The following FBLN2 variants were observed in gnomAD, a reference collection of about 807,000 sequenced individuals.
FBLN2 encodes the protein fibulin 2.
FBLN2 carries 81 observed loss-of-function variants against 123.7 expected under a neutral mutation model. The observed-to-expected ratio is 0.65, with a 90% CI of 0.55 to 0.79. The LOEUF is 0.79. Ranked by LOEUF, FBLN2 falls within the 30% of genes least tolerant of loss-of-function variation. The probability of loss-of-function intolerance (pLI) is 0.00; values close to 1 mark genes in which losing one functional copy is unlikely to be tolerated. For missense variants in FBLN2, 1,603 were observed against 1,681.3 expected (o/e 0.95, Z 0.81); for synonymous variants, 699 against 701.4 (o/e 1.00, Z 0.05).
At chr3:13,621,997 GCCAAAGGGCCT>G in intron 9 of FBLN2, 82 bp downstream of exon 9, 1 of 1,496,316 alleles carries the variant, frequency 6.7e-7, no homozygotes, top group South Asian at 1.2e-5. Context: ...GTGGCCACAT[GCCAAAGGGCCT>G]GCCCTTTGCA....
At chr3:13,563,022 CCATT>C (rs1440680674) in intron 1 of FBLN2, among the ~76,000 whole-genome samples, 1 of 152,232 alleles carries the variant, frequency 6.6e-6, no homozygotes, top group Non-Finnish European at 1.5e-5. Flanking sequence ...ATCCATCCAT[CCATT>C]GATGGTCACT....
At chr3:13,586,383 C>T (rs1704499656) in intron 2 of FBLN2, among the ~76,000 whole-genome samples, 1 of 151,706 alleles carries the variant, frequency 6.6e-6, no homozygotes, top group Non-Finnish European at 1.5e-5. Flanking sequence ...CGGGGTTACA[C>T]CATGTTGGTC....
chr3:13,633,383 G>A (rs989493821), intron 16 of FBLN2, among the ~76,000 whole-genome samples: 1 of 152,270 alleles, frequency 6.6e-6, no homozygotes, highest in Non-Finnish European at 1.5e-5. Flanking sequence ...GCCCCACCAG[G>A]AGGTTGGGGC....
intron 1 of FBLN2, among the ~76,000 whole-genome samples, chr3:13,560,673 G>A (rs1380992617): frequency 6.6e-6 from 1 of 152,218 alleles, no homozygotes; most frequent in Non-Finnish European, 1.5e-5. Context: ...AAGCCAACTT[G>A]ATTACTTTGC....
chr3:13,612,796 G>A (rs566094826), intron 4 of FBLN2, among the ~76,000 whole-genome samples: 35 of 152,182 alleles, frequency 2.3e-4, no homozygotes, highest in Non-Finnish European at 4.4e-4. Flanking sequence ...AGTATGTGAT[G>A]GGCCTTCATT....
intron 16 of FBLN2, among the ~76,000 whole-genome samples, chr3:13,631,689 C>T (rs1706264458): frequency 6.6e-6 from 1 of 152,200 alleles, no homozygotes; most frequent in Admixed American, 6.5e-5. Flanking sequence ...GGCTTGTGCT[C>T]AGCTCTGGAC....
intron 6 of FBLN2, 49 bp from the exon 7 acceptor site, chr3:13,618,855 G>A: frequency 6.9e-7 from 1 of 1,440,818 alleles, no homozygotes. Flanking sequence ...AGGCCTGGCT[G>A]AAGACCTGAG....
chr3:13,623,736 T>C (rs1705933532), intron 9 of FBLN2, among the ~76,000 whole-genome samples: 1 of 152,254 alleles, frequency 6.6e-6, no homozygotes, highest in African/African-American at 2.4e-5. Flanking sequence ...CATAAGACCT[T>C]AAACCAGTTG....
At chr3:13,633,996 G>C (rs1049620855) in intron 16 of FBLN2, among the ~76,000 whole-genome samples, 5 of 23,410 alleles carry the variant, frequency 2.1e-4, no homozygotes, top group African/African-American at 3.6e-4. Flanking sequence ...CACACACACA[G>C]CTGAAAGTCA....
Position 13,637,946 on chromosome 3 carries a change from G to T in FBLN2, c.*27G>T, listed in dbSNP as rs1308355025. On this transcript the variant is annotated 3_prime_UTR_variant, in exon 18 of 18. Coordinates refer to ENST00000404922, the MANE Select transcript of FBLN2 (RefSeq NM_001004019.2). Reference sequence around the variant, plus strand: ...GTGCCAGCACGGGCCACCTGCGGGTGTGGCGCAGCCCAGGGCTCACACTGC... The same window carrying T: ...GTGCCAGCACGGGCCACCTGCGGGTTTGGCGCAGCCCAGGGCTCACACTGC... 6 of 1,548,206 alleles carry T rather than the reference G, an allele frequency of 3.9e-6. No homozygotes were observed. The highest frequency in any genetic ancestry group is 2.7e-5 in the African/African-American group (2 of 73,780).
At chr3:13,588,446 G>A (rs1314541305) in intron 2 of FBLN2, among the ~76,000 whole-genome samples, 2 of 152,238 alleles carry the variant, frequency 1.3e-5, no homozygotes, top group Non-Finnish European at 1.5e-5. Context: ...GCGGAGGCAC[G>A]GGGCGTTTGG....
chr3:13,577,192 C>T (rs1704175826), intron 2 of FBLN2, among the ~76,000 whole-genome samples: 1 of 146,908 alleles, frequency 6.8e-6, no homozygotes, highest in Non-Finnish European at 1.5e-5. Flanking sequence ...CACCGCACTC[C>T]AGCCTGGGTG....
At chr3:13,568,895 G>T in intron 1 of FBLN2, 1 of 985,742 alleles carries the variant, frequency 1.0e-6, no homozygotes, top group Non-Finnish European at 1.2e-6. Flanking sequence ...TAAACCCCTG[G>T]TTCCTAGAGG....
At chr3:13,562,636 G>A (rs1465831342) in intron 1 of FBLN2, among the ~76,000 whole-genome samples, 2 of 152,138 alleles carry the variant, frequency 1.3e-5, no homozygotes, top group Non-Finnish European at 2.9e-5. Flanking sequence ...GTTGCAGGCC[G>A]CGCCCGGCTG....
intron 1 of FBLN2, among the ~76,000 whole-genome samples, chr3:13,559,531 G>A (rs1456463386): frequency 1.3e-5 from 2 of 152,154 alleles, no homozygotes; most frequent in African/African-American, 4.8e-5. Flanking sequence ...TTGTCCTGGT[G>A]TCCATCTCTG....
intron 1 of FBLN2, among the ~76,000 whole-genome samples, chr3:13,550,484 G>A (rs1328222568): frequency 2.0e-5 from 3 of 152,250 alleles, no homozygotes; most frequent in Non-Finnish European, 2.9e-5. Context: ...AGAGAAAAAG[G>A]GAAGTCAAAC....
rs1234626852 is a variant in FBLN2, at chr3:13,633,362, GT to G, written c.3214+1906del. 2.0e-5 allele frequency among the ~76,000 whole-genome samples: 3 copies of G among 152,388 alleles called. No homozygotes were observed. The South Asian group carries it at 6.2e-4, about 32-fold the overall frequency. ...GCCAGGTCCCCTCTGCAGGCCCCCAGTGTGCCACCAGCCCCACCAGGAGGTT... is the reference window on the plus strand; with the variant it reads ...GCCAGGTCCCCTCTGCAGGCCCCCAGGTGCCACCAGCCCCACCAGGAGGTT... On this transcript the variant is annotated intron_variant, in intron 16 of 17. Coordinates refer to ENST00000404922, the MANE Select transcript of FBLN2 (RefSeq NM_001004019.2).
intron 10 of FBLN2, 144 bp from the exon 11 acceptor site, chr3:13,627,688 A>G (rs765664484): frequency 1.0e-5 from 11 of 1,053,848 alleles, no homozygotes; most frequent in Non-Finnish European, 1.5e-5. Context: ...CATGCCGGCA[A>G]CAATGTGGCT....
chr3:13,601,330 C>T (rs1489400988), intron 2 of FBLN2, among the ~76,000 whole-genome samples: 3 of 152,222 alleles, frequency 2.0e-5, no homozygotes, highest in Non-Finnish European at 2.9e-5. Flanking sequence ...AGAGGATAAG[C>T]CGCCTGGGCA....
Sources: gnomAD v4.1 joint callset for allele counts (sites outside exome capture counted in the v4.1 genomes callset) on GRCh38, gnomAD v4.1.1 for gene constraint, MANE v1.5 for transcripts, NCBI Gene and HGNC (gene_info 2026-07-23, HGNC 2026-07-21) for gene names.